The following FOXO1 variants were observed in gnomAD, a reference collection of about 807,000 sequenced individuals.
FOXO1 encodes the protein forkhead box O1, also known as forkhead box protein O1.
FOXO1 carries 6 observed loss-of-function variants against 44.1 expected under a neutral mutation model. The ratio of observed to expected loss-of-function variants is 0.14; its 90% CI spans 0.07 to 0.27. The LOEUF (loss-of-function observed/expected upper bound fraction) is 0.27. Among genes scored for constraint, FOXO1 ranks in the 10% least tolerant of loss-of-function variants. The pLI, the probability that FOXO1 is intolerant of heterozygous loss-of-function variation, is 1.00. For synonymous variants in FOXO1, 380 were observed against 362.7 expected (o/e 1.05, Z -0.54); for missense variants, 737 against 888.8 (o/e 0.83, Z 2.17).
intron 1 of FOXO1, among the ~76,000 whole-genome samples, chr13:40,599,518 C>T (rs995257212): frequency 6.6e-6 from 1 of 152,236 alleles, no homozygotes; most frequent in African/African-American, 2.4e-5. Flanking sequence ...CCACCACTCA[C>T]AGGTACTGTC....
rs1325020300 is a variant in FOXO1 at position 40,560,869 on chromosome 13, C to CA, written c.631-10dup. ...TTATGACGAATTGAATTCTGTAAGG[C>CA]AAAACATCTTATTAGAAGTACAATA... On this transcript the variant is annotated splice_polypyrimidine_tract_variant and intron_variant, in intron 1 of 2. Transcript: ENST00000379561. This position sits in a 1 kb window ranked among gnomAD's most constrained non-coding sequence, Gnocchi z 5.1. 1.3e-6 allele frequency: 2 copies of CA among 1,588,314 alleles called. No homozygotes were observed. Among genetic ancestry groups the CA allele is most frequent in the Admixed American group, 3.6e-5 (2 of 55,382 alleles).
At chr13:40,643,601 A>G (rs1434897253) in intron 1 of FOXO1, among the ~76,000 whole-genome samples, 3 of 152,134 alleles carry the variant, frequency 2.0e-5, no homozygotes, top group Admixed American at 2.0e-4. Flanking sequence ...CTGCCAGAGC[A>G]CCCTTATCAA....
chr13:40,574,194 C>A (rs1265420613), intron 1 of FOXO1, among the ~76,000 whole-genome samples: 1 of 151,684 alleles, frequency 6.6e-6, no homozygotes, highest in East Asian at 1.9e-4. Context: ...CTCTGACCTG[C>A]TGTTAGTTTT....
At chr13:40,649,022 C>G (rs1048956489) in intron 1 of FOXO1, among the ~76,000 whole-genome samples, 3 of 152,096 alleles carry the variant, frequency 2.0e-5, no homozygotes, top group African/African-American at 7.2e-5. Context: ...AAGATAGCAA[C>G]CTGAGAGAGC....
At chr13:40,652,345 G>A (rs913826459) in intron 1 of FOXO1, among the ~76,000 whole-genome samples, 8 of 150,860 alleles carry the variant, frequency 5.3e-5, no homozygotes, top group African/African-American at 2.0e-4. Context: ...GAGTGTAGCG[G>A]CAAGATCTCC....
intron 1 of FOXO1, among the ~76,000 whole-genome samples, chr13:40,633,920 T>A (rs890739110): frequency 1.3e-5 from 2 of 152,178 alleles, no homozygotes; most frequent in Non-Finnish European, 2.9e-5. Flanking sequence ...AAGGCACACA[T>A]CAGTAGAAAT....
intron 1 of FOXO1, chr13:40,611,100 A>G (rs1381608312): frequency 8.8e-6 from 4 of 455,672 alleles, no homozygotes; most frequent in Non-Finnish European, 1.8e-5. Context: ...TGGCATCAAT[A>G]CTGCACATAG....
At chr13:40,565,593 G>A (rs929451991) in intron 1 of FOXO1, among the ~76,000 whole-genome samples, 25 of 152,196 alleles carry the variant, frequency 1.6e-4, no homozygotes, top group African/African-American at 5.3e-4. Context: ...GCTCAAGTGA[G>A]CACAGGGACC....
At chr13:40,570,129 T>C (rs559310492) in intron 1 of FOXO1, among the ~76,000 whole-genome samples, 2 of 151,928 alleles carry the variant, frequency 1.3e-5, no homozygotes, top group Non-Finnish European at 1.5e-5. Flanking sequence ...CTGGCCAACA[T>C]GGTGAAACCC....
intron 1 of FOXO1, among the ~76,000 whole-genome samples, chr13:40,663,412 CCTTT>C (rs1159258567): frequency 1.3e-5 from 2 of 152,190 alleles, no homozygotes; most frequent in African/African-American, 4.8e-5. Context: ...CAAAACACTT[CCTTT>C]ATCTTTAAAG....
At chr13:40,632,507 G>A (rs1185753275) in intron 1 of FOXO1, among the ~76,000 whole-genome samples, 1 of 152,014 alleles carries the variant, frequency 6.6e-6, no homozygotes, top group East Asian at 1.9e-4. Context: ...GGGTGGTGGT[G>A]GGCACCCGTA....
chr13:40,640,688 T>C (rs927349490), intron 1 of FOXO1, among the ~76,000 whole-genome samples: 4 of 152,260 alleles, frequency 2.6e-5, no homozygotes, highest in African/African-American at 4.8e-5. Context: ...ATCAGTAGCC[T>C]TCCTGAAGCT....
intron 1 of FOXO1, among the ~76,000 whole-genome samples, chr13:40,634,442 C>A (rs939684864): frequency 3.3e-5 from 5 of 152,190 alleles, no homozygotes; most frequent in Admixed American, 2.0e-4. Flanking sequence ...AGAATACACA[C>A]AATTTAAGTC....
intron 1 of FOXO1, among the ~76,000 whole-genome samples, chr13:40,597,538 T>A (rs974680157): frequency 1.3e-5 from 2 of 152,182 alleles, no homozygotes; most frequent in African/African-American, 2.4e-5. Context: ...AGGCCCTTAG[T>A]CATGGCTTCA....
chr13:40,652,515 G>A (rs1334612011), intron 1 of FOXO1, among the ~76,000 whole-genome samples: 3 of 152,152 alleles, frequency 2.0e-5, no homozygotes, highest in Non-Finnish European at 2.9e-5. Context: ...TGGGATTACA[G>A]GCGTGAGCCA....
intron 1 of FOXO1, among the ~76,000 whole-genome samples, chr13:40,630,753 G>A (rs989431599): frequency 4.0e-5 from 6 of 151,828 alleles, no homozygotes; most frequent in Non-Finnish European, 8.8e-5. Flanking sequence ...ATACTGTGAA[G>A]ACTACAAGCT....
intron 1 of FOXO1, among the ~76,000 whole-genome samples, chr13:40,637,027 T>C (rs1424852631): frequency 6.6e-6 from 1 of 152,184 alleles, no homozygotes; most frequent in Non-Finnish European, 1.5e-5. Context: ...ATGAGGAAAC[T>C]GAGGCATGAA....
chr13:40,635,120 C>T (rs1877103714), intron 1 of FOXO1, among the ~76,000 whole-genome samples: 1 of 152,194 alleles, frequency 6.6e-6, no homozygotes, highest in Non-Finnish European at 1.5e-5. Context: ...CCTGGTAAGG[C>T]ATATGGCATT....
At chr13:40,615,651 A>C (rs1370132185) in intron 1 of FOXO1, among the ~76,000 whole-genome samples, 1 of 152,162 alleles carries the variant, frequency 6.6e-6, no homozygotes, top group East Asian at 1.9e-4. Flanking sequence ...GTCAAGGAAG[A>C]CTGCTTTGAA....
Sources: allele counts gnomAD v4.1 joint callset (sites outside exome capture counted in the v4.1 genomes callset), GRCh38; gene constraint gnomAD v4.1.1; non-coding constraint Gnocchi (gnomAD v3.1); transcripts MANE v1.5; gene names NCBI Gene and HGNC (gene_info 2026-07-23, HGNC 2026-07-21).